PLEKHA7: variants seen among roughly 807,000 people sequenced by gnomAD.
PLEKHA7 encodes pleckstrin homology domain-containing family A member 7.
A neutral mutation model predicts 170.0 loss-of-function variants in PLEKHA7; 104 were observed. The observed-to-expected ratio is 0.61, with a 90% CI of 0.52 to 0.72. The LOEUF is 0.72. Ranked by LOEUF, PLEKHA7 falls within the 30% of genes least tolerant of loss-of-function variation. The pLI is 0.00. For synonymous variants in PLEKHA7, 648 were observed against 660.8 expected, an observed-to-expected ratio of 0.98 and a Z score of 0.30; for missense variants, 1,615 against 1,671.7, an observed-to-expected ratio of 0.97 and a Z score of 0.59.
rs1371832931 is a variant in PLEKHA7 at position 16,987,970 on chromosome 11, A to G, written c.221+26019T>C. Among the ~76,000 whole-genome samples the G allele has an allele frequency of 3.3e-5, 5 of 152,224 alleles. No homozygotes were observed. The East Asian group carries it at 9.6e-4, about 29-fold the overall frequency. The stretch of plus-strand genomic sequence containing the variant: ...GATCCTGGGTCACCACCACTGGGTG[A>G]AGTTTTCTCAGACAGTGTGTGGAAG... On this transcript the variant is annotated intron_variant, in intron 3 of 26. Transcript: ENST00000531066.
At chr11:16,942,474 T>C (rs1860758683) in intron 3 of PLEKHA7, among the ~76,000 whole-genome samples, 2 of 152,230 alleles carry the variant, frequency 1.3e-5, no homozygotes, top group Non-Finnish European at 2.9e-5. Flanking sequence ...CCACCATTTA[T>C]AGAGAAACTC....
intron 3 of PLEKHA7, among the ~76,000 whole-genome samples, chr11:16,932,423 A>G (rs1860005692): frequency 6.6e-6 from 1 of 152,058 alleles, no homozygotes; most frequent in African/African-American, 2.4e-5. Flanking sequence ...CCAGGACTAC[A>G]GGTGCACACC....
intron 4 of PLEKHA7, among the ~76,000 whole-genome samples, chr11:16,860,119 G>C (rs1853819007): frequency 6.6e-6 from 1 of 152,208 alleles, no homozygotes; most frequent in Admixed American, 6.5e-5. Context: ...CTTAGGACTA[G>C]ACAAAATCAG....
intron 3 of PLEKHA7, among the ~76,000 whole-genome samples, chr11:16,957,697 CTTTTTTTT>C (rs1169142909): frequency 0.013 from 1,152 of 87,392 alleles, 13 homozygotes; most frequent in South Asian, 0.07. Flanking sequence ...TAATTTTTTT[CTTTTTTTT>C]TTTTTTTTTT....
At chr11:16,794,409 G>A (rs1291025276) in intron 19 of PLEKHA7, 79 bp downstream of exon 19, 2 of 1,420,216 alleles carry the variant, frequency 1.4e-6, no homozygotes, top group Non-Finnish European at 2.0e-6. Flanking sequence ...AGTTTTCCCA[G>A]GAGTTTCTCT....
intron 3 of PLEKHA7, among the ~76,000 whole-genome samples, chr11:16,970,718 T>C (rs1016852395): frequency 6.6e-6 from 1 of 152,082 alleles, no homozygotes; most frequent in Non-Finnish European, 1.5e-5. Flanking sequence ...TGAAATCACA[T>C]TGTAGAAGAA....
intron 4 of PLEKHA7, among the ~76,000 whole-genome samples, chr11:16,864,419 G>A (rs564121885): frequency 1.3e-5 from 2 of 152,138 alleles, no homozygotes; most frequent in African/African-American, 4.8e-5. Context: ...TATTCTAGGA[G>A]GTAAAATACT....
At chr11:16,919,569 G>A (rs148752212) in intron 3 of PLEKHA7, among the ~76,000 whole-genome samples, 1 of 151,966 alleles carries the variant, frequency 6.6e-6, no homozygotes, top group East Asian at 1.9e-4. Context: ...TATCTTCTTG[G>A]GGGGCTGAGT....
intron 12 of PLEKHA7, 91 bp downstream of exon 12, chr11:16,816,087 G>T: frequency 1.9e-6 from 2 of 1,076,962 alleles, no homozygotes; most frequent in Non-Finnish European, 1.4e-6. Context: ...GGGGTTAATA[G>T]CTGCCCTCTG....
intron 3 of PLEKHA7, among the ~76,000 whole-genome samples, chr11:16,885,328 TC>T (rs1397298371): frequency 2.3e-5 from 3 of 130,218 alleles, no homozygotes; most frequent in Non-Finnish European, 3.4e-5. Context: ...AGACTCCATC[TC>T]AAAAAAAAAA....
chr11:16,928,529 G>A (rs1859721242), intron 3 of PLEKHA7, among the ~76,000 whole-genome samples: 1 of 149,980 alleles, frequency 6.7e-6, no homozygotes, highest in Non-Finnish European at 1.5e-5. Flanking sequence ...ACAGCTCACT[G>A]CAGCCTCGAC....
At chr11:16,997,883 T>TA (rs1219232567) in intron 3 of PLEKHA7, among the ~76,000 whole-genome samples, 1 of 152,142 alleles carries the variant, frequency 6.6e-6, no homozygotes, top group Non-Finnish European at 1.5e-5. Context: ...CTTCCTGAAA[T>TA]AAACTGGAGC....
intron 3 of PLEKHA7, among the ~76,000 whole-genome samples, chr11:16,956,279 G>A (rs1349647333): frequency 6.6e-6 from 1 of 152,156 alleles, no homozygotes; most frequent in Non-Finnish European, 1.5e-5. Flanking sequence ...TTGGCCTCTG[G>A]ATTAGCTGAG....
At chr11:16,990,923 T>C (rs147816960) in intron 3 of PLEKHA7, among the ~76,000 whole-genome samples, 59 of 152,380 alleles carry the variant, frequency 3.9e-4, no homozygotes, top group African/African-American at 1.3e-3. Context: ...GAGAACTCAA[T>C]GGGCATTTGA....
Position 16,826,537 on chromosome 11 carries a change from G to A in PLEKHA7, c.926C>T (p.Ser309Phe), listed in dbSNP as rs763742209. 1 of 1,614,152 alleles carries A rather than the reference G, an allele frequency of 6.2e-7. No homozygotes were observed. Among genetic ancestry groups the A allele is most frequent in the East Asian group, 2.2e-5 (1 of 44,876 alleles). Residue 309 changes from serine (S) to phenylalanine (F), a missense_variant, in exon 10 of 27, where the codon TCC (serine) becomes TTC (phenylalanine). Transcript: ENST00000531066. The stretch of plus-strand genomic sequence containing the variant: ...TCCCACCCGGCCACATTCGTGACAG[G>A]ACTCTGTGTGGTTGGCCTGGGGGAC... ...QAVPQANHTE[S>F]CHECGRVGPG... is the part of the protein sequence containing the mutation.
At chr11:16,892,551 T>C (rs1203979433) in intron 3 of PLEKHA7, among the ~76,000 whole-genome samples, 1 of 149,150 alleles carries the variant, frequency 6.7e-6, no homozygotes, top group Non-Finnish European at 1.5e-5. Context: ...GCTCAAGTGA[T>C]CCTCCCACCT....
intron 3 of PLEKHA7, among the ~76,000 whole-genome samples, chr11:16,886,992 G>A (rs565997080): frequency 6.6e-6 from 1 of 152,138 alleles, no homozygotes; most frequent in Non-Finnish European, 1.5e-5. Context: ...ATTAGCAAAT[G>A]ATAACCTGTC....
chr11:16,895,361 A>C (rs1425582392), intron 3 of PLEKHA7, among the ~76,000 whole-genome samples: 1 of 152,216 alleles, frequency 6.6e-6, no homozygotes, highest in East Asian at 1.9e-4. Context: ...GGTAACATAA[A>C]GAAATGGGAG....
At chr11:16,953,040 T>C (rs1023131223) in intron 3 of PLEKHA7, among the ~76,000 whole-genome samples, 4 of 152,254 alleles carry the variant, frequency 2.6e-5, no homozygotes, top group African/African-American at 4.8e-5. Context: ...CAGCCCAAGA[T>C]TTGGGGAACC....
Sources: allele counts gnomAD v4.1 joint callset (sites outside exome capture counted in the v4.1 genomes callset), GRCh38; gene constraint gnomAD v4.1.1; transcripts MANE v1.5; gene names NCBI Gene and HGNC (gene_info 2026-07-23, HGNC 2026-07-21).